Variants in STK35 observed in about 807,000 individuals in gnomAD.
STK35 encodes serine/threonine-protein kinase 35.
A neutral mutation model predicts 37.3 loss-of-function variants in STK35; 17 were observed. The observed-to-expected ratio is 0.46, with a 90% confidence interval of 0.31 to 0.68. STK35 has a LOEUF of 0.68. STK35 is among the 30% of genes least tolerant of loss of function. STK35 has a pLI of 0.05. For synonymous variants in STK35, 385 were observed against 319.1 expected, an observed-to-expected ratio of 1.21 and a Z score of -2.20; for missense variants, 595 against 746.7, an observed-to-expected ratio of 0.80 and a Z score of 2.37.
At chr20:2,139,066 T>C (rs776884721) in intron 3 of STK35, among the ~76,000 whole-genome samples, 6 of 152,096 alleles carry the variant, frequency 3.9e-5, no homozygotes, top group Non-Finnish European at 7.4e-5. Flanking sequence ...TTGACACTAA[T>C]AAAGTAGGAA....
intron 3 of STK35, among the ~76,000 whole-genome samples, chr20:2,143,396 G>A (rs1986202673): frequency 6.6e-6 from 1 of 152,242 alleles, no homozygotes; most frequent in African/African-American, 2.4e-5. Context: ...GGGGAAGAAA[G>A]CATGAGTGGA....
chr20:2,136,188 A>G (rs1986084170), intron 3 of STK35, among the ~76,000 whole-genome samples: 1 of 152,210 alleles, frequency 6.6e-6, no homozygotes, highest in Admixed American at 6.5e-5. Context: ...TGTATTTGCC[A>G]AAGTTGGCCG....
At position 2,102,178 on chromosome 20, in the gene STK35, A is replaced by G; in HGVS notation, c.294+3A>G. ...GGAAGTGGAGGTGCGCGGGCCAGGTAAGGGCGCCGTTGGAGGACTGAAGGC... is the reference window on the plus strand; with the variant it reads ...GGAAGTGGAGGTGCGCGGGCCAGGTGAGGGCGCCGTTGGAGGACTGAAGGC... On this transcript the variant is annotated splice_donor_region_variant and intron_variant, in intron 1 of 3. Coordinates refer to ENST00000381482, the MANE Select transcript of STK35 (RefSeq NM_080836.4). The G allele has an allele frequency of 7.3e-7, 1 of 1,376,998 alleles. No homozygotes were observed. The allele number at this position is 1,376,998 out of a possible 1,614,324, so 85.3% of individuals were successfully genotyped here. A position where few individuals can be genotyped will look rare whatever the true frequency, so the allele number is the denominator to read the frequency against.
chr20:2,125,605 A>C (rs1043185376), intron 3 of STK35, among the ~76,000 whole-genome samples: 4 of 152,248 alleles, frequency 2.6e-5, no homozygotes, highest in Non-Finnish European at 5.9e-5. Context: ...CAGGGCTGCC[A>C]TGGGTGTCCT....
At chr20:2,140,634 CCCA>C (rs1444911031) in intron 3 of STK35, among the ~76,000 whole-genome samples, 2 of 152,184 alleles carry the variant, frequency 1.3e-5, no homozygotes, top group African/African-American at 4.8e-5. Context: ...CTTCTTTGTG[CCCA>C]CAAGAGAGAA....
chr20:2,110,684 T>A (rs114557663), intron 2 of STK35, among the ~76,000 whole-genome samples: 2,090 of 152,320 alleles, frequency 0.014, 48 homozygotes, highest in African/African-American at 0.047. Context: ...TATGTATTGC[T>A]GAATTGCTGA....
At chr20:2,108,379 G>A (rs1353428597) in intron 2 of STK35, among the ~76,000 whole-genome samples, 4 of 152,020 alleles carry the variant, frequency 2.6e-5, no homozygotes, top group South Asian at 2.1e-4. Flanking sequence ...GCGTGGTGGC[G>A]GGCGCCTGTA....
chr20:2,116,274 G>A (rs147568963), intron 2 of STK35, among the ~76,000 whole-genome samples: 1 of 152,320 alleles, frequency 6.6e-6, no homozygotes, highest in Non-Finnish European at 1.5e-5. Flanking sequence ...CATTTGCTCA[G>A]CATGGAGTAA....
chr20:2,112,809 T>G (rs1354352845), intron 2 of STK35, among the ~76,000 whole-genome samples: 1 of 152,244 alleles, frequency 6.6e-6, no homozygotes. Context: ...AAGCTAAATT[T>G]GTAACTCTTA....
chr20:2,102,691 A>G (rs933276436), intron 1 of STK35, 77 bp from the exon 2 acceptor site: 10 of 1,243,660 alleles, frequency 8.0e-6, no homozygotes, highest in Non-Finnish European at 9.3e-6. Context: ...GGGGAGGAGG[A>G]GGTGGGACGC....
chr20:2,127,535 T>G (rs1419857298), intron 3 of STK35, among the ~76,000 whole-genome samples: 14 of 152,194 alleles, frequency 9.2e-5, no homozygotes, highest in Admixed American at 7.9e-4. Flanking sequence ...AATAAGTGAT[T>G]ATACCACACC....
In STK35 at chr20:2,103,067, G is replaced by A; in HGVS notation, c.594G>A (p.Ala198=). 1 of 1,573,220 alleles carries A rather than the reference G, an allele frequency of 6.4e-7. No individual in the cohort carries two copies. Among genetic ancestry groups the A allele is most frequent in the South Asian group, 1.1e-5 (1 of 87,814 alleles). The change falls in exon 2 of 4, where the codon GCG becomes GCA. Residue 198 remains alanine, a synonymous_variant. Transcript: ENST00000381482. ...RRRPEGGGGS[A]RPRYSLLAEI... is the part of the protein sequence containing the mutation. The stretch of plus-strand genomic sequence containing the variant: ...GGCCTGAGGGCGGTGGCGGGTCCGC[G>A]CGGCCGCGTTACAGCCTGTTGGCGG...
At chr20:2,112,932 G>T (rs1230558941) in intron 2 of STK35, among the ~76,000 whole-genome samples, 1 of 152,162 alleles carries the variant, frequency 6.6e-6, no homozygotes, top group Admixed American at 6.5e-5. Flanking sequence ...GATTTTAGTG[G>T]TTGCTGCATA....
At chr20:2,120,428 A>G (rs1468619217) in intron 3 of STK35, among the ~76,000 whole-genome samples, 1 of 152,202 alleles carries the variant, frequency 6.6e-6, no homozygotes, top group African/African-American at 2.4e-5. Flanking sequence ...TAATCTTTAC[A>G]GTACTGGTGG....
chr20:2,111,092 C>G (rs1427982332), intron 2 of STK35, among the ~76,000 whole-genome samples: 1 of 152,166 alleles, frequency 6.6e-6, no homozygotes, highest in East Asian at 1.9e-4. Flanking sequence ...TCTTATTTAT[C>G]CTAAACTTCT....
intron 3 of STK35, among the ~76,000 whole-genome samples, chr20:2,120,153 C>G (rs1323965879): frequency 6.6e-6 from 1 of 152,184 alleles, no homozygotes; most frequent in Admixed American, 6.5e-5. Flanking sequence ...CAGATTTGCT[C>G]TGGCATAGGA....
intron 2 of STK35, among the ~76,000 whole-genome samples, chr20:2,103,711 G>A (rs1034411014): frequency 2.6e-5 from 4 of 152,252 alleles, no homozygotes; most frequent in African/African-American, 4.8e-5. Flanking sequence ...TCAGTTAGTA[G>A]CAGAACTGCG....
intron 2 of STK35, among the ~76,000 whole-genome samples, chr20:2,115,830 TGCC>T (rs1173300913): frequency 1.3e-5 from 2 of 151,548 alleles, no homozygotes; most frequent in Non-Finnish European, 2.9e-5. Flanking sequence ...ACTGATCTAC[TGCC>T]TGCCTTTTAC....
intron 1 of STK35, 59 bp downstream of exon 1, chr20:2,102,234 C>T: frequency 7.2e-7 from 1 of 1,380,562 alleles, no homozygotes; most frequent in Non-Finnish European, 9.3e-7. Context: ...CTGCCACTGC[C>T]TCCGCGCTTG....
Sources: allele counts gnomAD v4.1 joint callset (sites outside exome capture counted in the v4.1 genomes callset), GRCh38; gene constraint gnomAD v4.1.1; transcripts MANE v1.5; gene names NCBI Gene and HGNC (gene_info 2026-07-23, HGNC 2026-07-21).